Variants in NAV2 observed in about 807,000 individuals in gnomAD.
The protein encoded by NAV2 is helicase, APC down-regulated 1.
In NAV2, 54 loss-of-function variants were observed where a neutral mutation model predicts 223.2. The observed-to-expected ratio is 0.24, with a 90% CI of 0.19 to 0.30. The LOEUF is 0.30. NAV2 is among the 10% of genes least tolerant of loss of function. The pLI is 1.00. For missense variants in NAV2, 2,806 were observed against 3,147.5 expected (o/e 0.89, Z 2.60); for synonymous variants, 1,279 against 1,239.3 (o/e 1.03, Z -0.67).
intron 11 of NAV2, chr11:20,023,130 A>C: frequency 1.9e-6 from 3 of 1,551,684 alleles, no homozygotes; most frequent in Non-Finnish European, 2.6e-6. Flanking sequence ...GGAACCTTAC[A>C]AGGTAGGACG....
At chr11:19,716,241 G>A (rs1287250046) in intron 1 of NAV2, among the ~76,000 whole-genome samples, 5 of 152,194 alleles carry the variant, frequency 3.3e-5, no homozygotes, top group African/African-American at 1.2e-4. Context: ...GCAGGAGATT[G>A]GGTTGTGTAG....
At chr11:19,447,355 C>T (rs1851621665) in intron 1 of NAV2, among the ~76,000 whole-genome samples, 1 of 152,194 alleles carries the variant, frequency 6.6e-6, no homozygotes, top group Non-Finnish European at 1.5e-5. Flanking sequence ...CATTTCCACT[C>T]ACCCTCATCT....
chr11:19,977,170 GAT>G (rs1421597448), intron 10 of NAV2, among the ~76,000 whole-genome samples: 1 of 152,252 alleles, frequency 6.6e-6, no homozygotes, highest in African/African-American at 2.4e-5. Flanking sequence ...GAAGGCCAAA[GAT>G]GTGTGGGTCT....
At chr11:19,935,864 T>TTTTTTTTTTTTTTTTG (rs1353477125) in intron 7 of NAV2, among the ~76,000 whole-genome samples, 84 of 101,160 alleles carry the variant, frequency 8.3e-4, no homozygotes, top group East Asian at 3.3e-3. Context: ...TTTTTTTTTT[T>TTTTTTTTTTTTTTTTG]TTTTTTTTTT....
At chr11:19,407,194 C>T (rs558485678) in intron 1 of NAV2, among the ~76,000 whole-genome samples, 4 of 152,250 alleles carry the variant, frequency 2.6e-5, no homozygotes, top group African/African-American at 9.6e-5. Context: ...GCATCTACTC[C>T]GTTTCAGGCA....
chr11:19,932,631 T>A (rs2045484556), intron 6 of NAV2, among the ~76,000 whole-genome samples: 1 of 152,236 alleles, frequency 6.6e-6, no homozygotes, highest in South Asian at 2.1e-4. Context: ...TTGCAACTTT[T>A]AAAAAGTGCC....
At chr11:19,361,229 T>TTTTTTTTTTTTTTTGAGACGGA (rs1170025473) in intron 1 of NAV2, among the ~76,000 whole-genome samples, 1 of 149,652 alleles carries the variant, frequency 6.7e-6, no homozygotes, top group African/African-American at 2.4e-5. Context: ...CTCTTTTTTA[T>TTTTTTTTTTTTTTTGAGACGGA]GTCTCTCAGC....
At chr11:19,486,550 C>G (rs576550559) in intron 1 of NAV2, among the ~76,000 whole-genome samples, 1 of 152,132 alleles carries the variant, frequency 6.6e-6, no homozygotes, top group Non-Finnish European at 1.5e-5. Context: ...TTATAAGGGG[C>G]TTTTATCCCT....
intron 1 of NAV2, among the ~76,000 whole-genome samples, chr11:19,731,762 A>T (rs973134410): frequency 1.3e-5 from 2 of 152,228 alleles, no homozygotes; most frequent in African/African-American, 4.8e-5. Flanking sequence ...AAGTGGGAAC[A>T]ATTTTCCTTG....
At chr11:19,685,933 G>A (rs1408706196) in intron 1 of NAV2, among the ~76,000 whole-genome samples, 1 of 152,110 alleles carries the variant, frequency 6.6e-6, no homozygotes, top group Non-Finnish European at 1.5e-5. Flanking sequence ...ATCTCATCAT[G>A]TGACTTTCCA....
intron 1 of NAV2, among the ~76,000 whole-genome samples, chr11:19,707,237 A>G (rs2152296541): frequency 6.6e-6 from 1 of 152,306 alleles, no homozygotes; most frequent in South Asian, 2.1e-4. Context: ...TTCTTCAATA[A>G]TAAGTTAACC....
At chr11:19,350,772 G>A (rs1325620784) in exon 1 of NAV2, 25 of 620,712 alleles carry the variant, frequency 4.0e-5, no homozygotes, top group East Asian at 1.1e-4. Flanking sequence ...CAGTGGTGCC[G>A]AGTGAGGTTC....
At chr11:19,724,263 G>A (rs1186793477) in intron 1 of NAV2, among the ~76,000 whole-genome samples, 1 of 152,202 alleles carries the variant, frequency 6.6e-6, no homozygotes, top group Admixed American at 6.5e-5. Flanking sequence ...TTAGTAATCA[G>A]ATGTTCTGCT....
At position 19,874,443 on chromosome 11, in the gene NAV2, C is replaced by G. The variant is rs375843854; in HGVS notation, c.512-5426C>G. The stretch of plus-strand genomic sequence containing the variant: ...TCTACATCTACATGTTTTTCCTTCT[C>G]TAGAACTCCAGAAAGTGAGGTTAAT... On this transcript the variant is annotated intron_variant, in intron 4 of 37. Coordinates refer to ENST00000349880, the MANE Select transcript of NAV2 (RefSeq NM_145117.5). Among the ~76,000 whole-genome samples, 6 of 152,314 alleles carry G rather than the reference C, an allele frequency of 3.9e-5. No homozygotes were observed. The East Asian group carries it at 1.2e-3, about 29-fold the overall frequency.
At chr11:19,423,842 T>A (rs1372931485) in intron 1 of NAV2, among the ~76,000 whole-genome samples, 1 of 152,162 alleles carries the variant, frequency 6.6e-6, no homozygotes, top group African/African-American at 2.4e-5. Context: ...AGGTTTAGCC[T>A]TTTTGCTTGG....
chr11:20,069,947 T>C (rs145022508), intron 22 of NAV2, among the ~76,000 whole-genome samples: 100 of 152,278 alleles, frequency 6.6e-4, no homozygotes, highest in African/African-American at 2.1e-3. Flanking sequence ...CAGTAACTGG[T>C]AGCTGCCCCC....
chr11:19,361,277 C>G (rs961746352), intron 1 of NAV2, among the ~76,000 whole-genome samples: 13 of 149,006 alleles, frequency 8.7e-5, no homozygotes, highest in African/African-American at 3.2e-4. Flanking sequence ...TTTAGTGGGT[C>G]TACTTTGGGA....
chr11:19,438,136 G>C (rs944089485), intron 1 of NAV2, among the ~76,000 whole-genome samples: 6 of 152,200 alleles, frequency 3.9e-5, no homozygotes, highest in African/African-American at 1.4e-4. Flanking sequence ...TTGTTCTATA[G>C]TCATTTCATT....
chr11:19,967,522 A>G (rs552417476), intron 10 of NAV2, among the ~76,000 whole-genome samples: 65 of 152,344 alleles, frequency 4.3e-4, no homozygotes, highest in South Asian at 8.3e-4. Context: ...AGTAGGTTCC[A>G]GGGGACCAAA....
Sources: allele counts gnomAD v4.1 joint callset (sites outside exome capture counted in the v4.1 genomes callset), GRCh38; gene constraint gnomAD v4.1.1; transcripts MANE v1.5; gene names NCBI Gene and HGNC (gene_info 2026-07-23, HGNC 2026-07-21).